EHBP1: variants seen among roughly 807,000 people sequenced by gnomAD.
EHBP1 encodes the protein EH domain binding protein 1.
EHBP1 carries 55 observed loss-of-function variants against 144.0 expected under a neutral mutation model. That is an observed-to-expected ratio of 0.38 (90% CI 0.31 to 0.48). The LOEUF (loss-of-function observed/expected upper bound fraction) is 0.48, where lower values mean the gene tolerates loss of function less well. Ranked by LOEUF, EHBP1 falls within the 20% of genes least tolerant of loss-of-function variation. EHBP1 has a pLI of 0.98. For missense variants in EHBP1, 1,200 were observed against 1,364.2 expected (o/e 0.88, Z 1.90); for synonymous variants, 469 against 472.7 (o/e 0.99, Z 0.10).
chr2:62,917,952 A>C (rs2054773408), intron 10 of EHBP1, among the ~76,000 whole-genome samples: 1 of 151,056 alleles, frequency 6.6e-6, no homozygotes, highest in African/African-American at 2.4e-5. Context: ...GCTGGAGTGC[A>C]GTGGCATGAT....
chr2:62,896,574 T>C (rs769199336), intron 10 of EHBP1, among the ~76,000 whole-genome samples: 8 of 152,056 alleles, frequency 5.3e-5, no homozygotes, highest in Non-Finnish European at 2.9e-5. Context: ...ATCTCTGTGG[T>C]CTACTCAGGG....
chr2:62,818,820 A>G (rs2045645511), intron 5 of EHBP1, among the ~76,000 whole-genome samples: 1 of 152,260 alleles, frequency 6.6e-6, no homozygotes, highest in South Asian at 2.1e-4. Context: ...GCACAAATAA[A>G]TAGTATTGGT....
intron 3 of EHBP1, among the ~76,000 whole-genome samples, chr2:62,749,625 C>A (rs2039485801): frequency 6.6e-6 from 1 of 152,236 alleles, no homozygotes; most frequent in African/African-American, 2.4e-5. Flanking sequence ...GTTCCTATTT[C>A]TCCACATCCT....
intron 14 of EHBP1, among the ~76,000 whole-genome samples, chr2:62,958,507 C>T (rs2057834389): frequency 6.6e-6 from 1 of 152,128 alleles, no homozygotes; most frequent in South Asian, 2.1e-4. Context: ...GCAAAACTAA[C>T]GTAGCATGAC....
intron 2 of EHBP1, among the ~76,000 whole-genome samples, chr2:62,721,450 G>C (rs982344703): frequency 3.6e-4 from 55 of 152,300 alleles, no homozygotes; most frequent in African/African-American, 1.3e-3. Flanking sequence ...TTAGAAACCA[G>C]TTTCTAAATC....
At chr2:62,802,571 A>G (rs550175189) in intron 5 of EHBP1, among the ~76,000 whole-genome samples, 1 of 152,342 alleles carries the variant, frequency 6.6e-6, no homozygotes, top group East Asian at 1.9e-4. Flanking sequence ...ATTATTATAA[A>G]AGATATAAAC....
chr2:63,004,942 A>G (rs1194522579), intron 19 of EHBP1, among the ~76,000 whole-genome samples: 2 of 152,120 alleles, frequency 1.3e-5, no homozygotes, highest in Non-Finnish European at 2.9e-5. Flanking sequence ...CATTTTTACA[A>G]CAATTTTATT....
chr2:62,731,705 TATA>T (rs1490487667), intron 2 of EHBP1, among the ~76,000 whole-genome samples: 1 of 152,204 alleles, frequency 6.6e-6, no homozygotes, highest in African/African-American at 2.4e-5. Context: ...CAATGATTTT[TATA>T]ATAATTGGTT....
intron 13 of EHBP1, 64 bp from the exon 14 acceptor site, chr2:62,955,453 T>C: frequency 6.8e-7 from 1 of 1,481,070 alleles, no homozygotes. Flanking sequence ...AACCTTTCAT[T>C]AGTTTACAAA....
chr2:62,690,349 G>A (rs1395141955), intron 1 of EHBP1, among the ~76,000 whole-genome samples: 1 of 152,148 alleles, frequency 6.6e-6, no homozygotes, highest in Non-Finnish European at 1.5e-5. Flanking sequence ...GGATCATGAG[G>A]TCAGGAGTTC....
Position 62,947,439 on chromosome 2 carries a change from A to G in EHBP1, c.1414-821A>G, listed in dbSNP as rs2057129748. Among the ~76,000 whole-genome samples the G allele has an allele frequency of 2.6e-5, 4 of 152,304 alleles. No individual in the cohort carries two copies. In the South Asian group the frequency reaches 8.3e-4, roughly 32 times the overall value. On this transcript the variant is annotated intron_variant, in intron 12 of 22. Transcript: ENST00000431489. ...TAATCTAGGTTGCTAAAAAGAGTAA[A>G]CATTTTACATCCCAGAGCAAGAATA...
intron 3 of EHBP1, among the ~76,000 whole-genome samples, chr2:62,755,326 G>C (rs1456214582): frequency 6.6e-6 from 1 of 151,866 alleles, no homozygotes; most frequent in Non-Finnish European, 1.5e-5. Context: ...TTTGTGTTTT[G>C]GTAGTTTATT....
intron 10 of EHBP1, among the ~76,000 whole-genome samples, chr2:62,923,822 G>T (rs2055282782): frequency 6.6e-6 from 1 of 152,142 alleles, no homozygotes; most frequent in South Asian, 2.1e-4. Context: ...TGTGTACTAG[G>T]ACTGCAAAAC....
At chr2:62,999,967 T>G (rs1455391154) in intron 19 of EHBP1, among the ~76,000 whole-genome samples, 1 of 152,186 alleles carries the variant, frequency 6.6e-6, no homozygotes, top group Non-Finnish European at 1.5e-5. Context: ...CACAAAAACC[T>G]GTTAATTCCA....
intron 21 of EHBP1, among the ~76,000 whole-genome samples, chr2:63,042,936 T>C (rs1188779125): frequency 6.6e-6 from 1 of 152,058 alleles, no homozygotes; most frequent in Non-Finnish European, 1.5e-5. Context: ...GTTAGCAAAA[T>C]GGTTTCGAAG....
chr2:62,829,107 C>A (rs1424728156), intron 6 of EHBP1, among the ~76,000 whole-genome samples: 1 of 150,754 alleles, frequency 6.6e-6, no homozygotes, highest in Non-Finnish European at 1.5e-5. Context: ...TAGAGTGAGA[C>A]CCTGTCTTAA....
intron 5 of EHBP1, among the ~76,000 whole-genome samples, chr2:62,788,504 C>G (rs887394264): frequency 6.6e-6 from 1 of 151,116 alleles, no homozygotes; most frequent in Non-Finnish European, 1.5e-5. Flanking sequence ...TTGTTATTTT[C>G]TAGAAAATTA....
chr2:62,756,723 G>C (rs1213630251), intron 3 of EHBP1, among the ~76,000 whole-genome samples: 1 of 147,222 alleles, frequency 6.8e-6, no homozygotes, highest in Middle Eastern at 3.3e-3. Context: ...AGCTGAGATC[G>C]TGCCATTGCA....
rs2049149916 is a variant in EHBP1, at chr2:62,857,472, A to G, written c.635-1697A>G. 4.6e-5 allele frequency among the ~76,000 whole-genome samples: 7 copies of G among 152,324 alleles called. No homozygotes were observed. In the South Asian group the frequency reaches 1.5e-3, roughly 32 times the overall value. On this transcript the variant is annotated intron_variant, in intron 7 of 22. Transcript: ENST00000431489. ...TGATTTAGTTCAAATAAAATTTACCATGTGCCCTTAGGTTTACAATGTTAA... is the reference window on the plus strand; with the variant it reads ...TGATTTAGTTCAAATAAAATTTACCGTGTGCCCTTAGGTTTACAATGTTAA...
Sources: allele counts gnomAD v4.1 joint callset (sites outside exome capture counted in the v4.1 genomes callset), GRCh38; gene constraint gnomAD v4.1.1; transcripts MANE v1.5; gene names NCBI Gene and HGNC (gene_info 2026-07-23, HGNC 2026-07-21).